RICTOR: variants seen among roughly 807,000 people sequenced by gnomAD.
The protein encoded by RICTOR is rapamycin-insensitive companion of mTOR.
In RICTOR, 49 loss-of-function variants were observed where a neutral mutation model predicts 214.9. The ratio of observed to expected loss-of-function variants is 0.23; its 90% CI spans 0.18 to 0.29. The LOEUF is 0.29. Among genes scored for constraint, RICTOR ranks in the 10% least tolerant of loss-of-function variants. The probability of loss-of-function intolerance (pLI) is 1.00; values close to 1 mark genes in which losing one functional copy is unlikely to be tolerated. For missense variants in RICTOR, 1,625 were observed against 2,047.0 expected (o/e 0.79, Z 3.98); for synonymous variants, 717 against 711.3 (o/e 1.01, Z -0.13).
rs758517681 is a variant in RICTOR at position 38,949,668 on chromosome 5, A to C, written c.4136+44T>G. 20 of 1,522,496 alleles carry C rather than the reference A, an allele frequency of 1.3e-5. No individual in the cohort carries two copies. The East Asian group carries it at 4.5e-4, about 34-fold the overall frequency. The allele number at this position is 1,522,496 out of a possible 1,614,324, so 94.3% of individuals were successfully genotyped here. ...TAACATTTTGTATTTAAATTTGTTAAAATGCAACCATTATTGGTCACTTCT... is the reference window on the plus strand; with the variant it reads ...TAACATTTTGTATTTAAATTTGTTACAATGCAACCATTATTGGTCACTTCT... On this transcript the variant is annotated intron_variant, in intron 31 of 37. Transcript: ENST00000357387.
chr5:38,951,418 T>C (rs1748774529), intron 30 of RICTOR, among the ~76,000 whole-genome samples: 1 of 152,034 alleles, frequency 6.6e-6, no homozygotes. Context: ...TTACCATTTC[T>C]ATATTTTGTC....
intron 7 of RICTOR, among the ~76,000 whole-genome samples, chr5:38,990,675 C>CTGATATATATCATATCTG (rs1491325005): frequency 2.3e-5 from 2 of 85,404 alleles, no homozygotes; most frequent in African/African-American, 4.9e-5. Context: ...AGATATATAT[C>CTGATATATATCATATCTG]AGATATATCA....
chr5:38,949,648 T>G, intron 31 of RICTOR, 64 bp downstream of exon 31: 2 of 1,414,192 alleles, frequency 1.4e-6, no homozygotes, highest in Non-Finnish European at 2.0e-6. Flanking sequence ...CTGGCTAACA[T>G]TTTGTATTTA....
chr5:38,967,904 A>C (rs1371522117), intron 12 of RICTOR, 39 bp downstream of exon 12: 1 of 1,020,690 alleles, frequency 9.8e-7, no homozygotes, highest in African/African-American at 1.6e-5. Context: ...AATAAAAATT[A>C]CAATATATGA....
chr5:39,017,546 A>G (rs187832961), intron 3 of RICTOR, among the ~76,000 whole-genome samples: 1 of 144,030 alleles, frequency 6.9e-6, no homozygotes, highest in Non-Finnish European at 1.6e-5. Flanking sequence ...GCTGTTTTTT[A>G]AAAAAAAAAA....
At chr5:39,055,715 A>T (rs1488740965) in intron 2 of RICTOR, among the ~76,000 whole-genome samples, 1 of 152,182 alleles carries the variant, frequency 6.6e-6, no homozygotes, top group Non-Finnish European at 1.5e-5. Context: ...CAAATAAAGA[A>T]GATGTTCAAC....
chr5:38,990,499 T>TACACG (rs1752511319), intron 7 of RICTOR, among the ~76,000 whole-genome samples: 5 of 150,826 alleles, frequency 3.3e-5, no homozygotes, highest in Admixed American at 6.6e-5. Context: ...AAAATACATA[T>TACACG]ATACGATATA....
At position 38,978,658 on chromosome 5, in the gene RICTOR, A is replaced by G; in HGVS notation, c.754-8T>C. ...ATAGGGTGCTAAAATTCTCTATTTA[A>G]AAAAAAAAAGGAAGAAAAGAGTCTT... is the stretch of plus-strand genomic sequence containing the variant. On this transcript the variant is annotated splice_region_variant and splice_polypyrimidine_tract_variant and intron_variant, in intron 8 of 37. Transcript: ENST00000357387. The G allele has an allele frequency of 7.4e-7, 1 of 1,344,202 alleles. No individual in the cohort carries two copies. Among genetic ancestry groups the G allele is most frequent in the Non-Finnish European group, 1.0e-6 (1 of 965,468 alleles). The allele number at this position is 1,344,202 out of a possible 1,614,324, so 83.3% of individuals were successfully genotyped here. A position where few individuals can be genotyped will look rare whatever the true frequency, so the allele number is the denominator to read the frequency against.
intron 3 of RICTOR, among the ~76,000 whole-genome samples, chr5:39,013,463 C>G (rs1050472324): frequency 3.9e-5 from 6 of 152,018 alleles, no homozygotes; most frequent in African/African-American, 1.2e-4. Context: ...AAAGTTACAA[C>G]AGAACTGTAT....
chr5:38,957,758 A>C (rs1391491893), intron 24 of RICTOR, 28 bp from the exon 25 acceptor site: 2 of 1,280,198 alleles, frequency 1.6e-6, no homozygotes, highest in Non-Finnish European at 2.2e-6. Flanking sequence ...CAATAGTTTA[A>C]CATTGAGTCT....
intron 2 of RICTOR, among the ~76,000 whole-genome samples, chr5:39,062,022 T>G (rs780859354): frequency 6.6e-6 from 1 of 152,064 alleles, no homozygotes; most frequent in Non-Finnish European, 1.5e-5. Flanking sequence ...CAAATTGTCA[T>G]GTAAGAATTA....
chr5:39,010,175 A>T (rs1754394174), intron 3 of RICTOR, among the ~76,000 whole-genome samples: 1 of 152,144 alleles, frequency 6.6e-6, no homozygotes, highest in Non-Finnish European at 1.5e-5. Context: ...TCTGACAGTG[A>T]GTTCTCACGA....
At chr5:38,988,617 C>G (rs1252672853) in intron 7 of RICTOR, among the ~76,000 whole-genome samples, 1 of 152,002 alleles carries the variant, frequency 6.6e-6, no homozygotes, top group Non-Finnish European at 1.5e-5. Flanking sequence ...CTTAGAAAAC[C>G]CCATCGTCTC....
At chr5:38,967,865 A>G in intron 12 of RICTOR, 78 bp downstream of exon 12, 1 of 710,968 alleles carries the variant, frequency 1.4e-6, no homozygotes, top group Non-Finnish European at 2.5e-6. Flanking sequence ...ATAATTTAGT[A>G]TTTCTCCTTT....
intron 2 of RICTOR, among the ~76,000 whole-genome samples, chr5:39,028,413 A>C (rs941223430): frequency 6.6e-6 from 1 of 151,532 alleles, no homozygotes; most frequent in Non-Finnish European, 1.5e-5. Flanking sequence ...CGATCTCCTG[A>C]CCTCGTGATC....
chr5:38,966,458 C>T (rs922685138), intron 15 of RICTOR, among the ~76,000 whole-genome samples, 183 bp downstream of exon 15: 4 of 152,230 alleles, frequency 2.6e-5, no homozygotes, highest in African/African-American at 7.2e-5. Flanking sequence ...CATGCGCATG[C>T]GCGCACGTAC....
intron 7 of RICTOR, among the ~76,000 whole-genome samples, chr5:38,990,709 GATATATATGATATATATC>G: frequency 6.2e-4 from 1 of 1,616 alleles, no homozygotes; most frequent in Non-Finnish European, 2.9e-3. Context: ...TATCAGATAT[GATATATATGATATATATC>G]ATATATATGA....
chr5:38,973,376 CCTTT>C (rs1750945383), intron 10 of RICTOR, among the ~76,000 whole-genome samples: 1 of 152,058 alleles, frequency 6.6e-6, no homozygotes, highest in African/African-American at 2.4e-5. Flanking sequence ...TCTGCAACTT[CCTTT>C]AAGATATATT....
chr5:39,039,484 A>C (rs1757002237), intron 2 of RICTOR, among the ~76,000 whole-genome samples: 1 of 152,224 alleles, frequency 6.6e-6, no homozygotes, highest in Non-Finnish European at 1.5e-5. Flanking sequence ...ATTAAACTAA[A>C]GAGCTTCTGC....
Sources: allele counts gnomAD v4.1 joint callset (sites outside exome capture counted in the v4.1 genomes callset), GRCh38; gene constraint gnomAD v4.1.1; transcripts MANE v1.5; gene names NCBI Gene and HGNC (gene_info 2026-07-23, HGNC 2026-07-21).